The following TMEFF2 variants were observed in gnomAD, a reference collection of about 807,000 sequenced individuals.
TMEFF2 encodes transmembrane protein with EGF like and two follistatin like domains 2, also known as tomoregulin-2.
Under a neutral mutation model 53.8 loss-of-function variants are expected in TMEFF2, and 28 were observed. The observed-to-expected ratio is 0.52, with a 90% CI of 0.39 to 0.71. The LOEUF is 0.71. Among genes scored for constraint, TMEFF2 ranks in the 30% least tolerant of loss-of-function variants. The probability of loss-of-function intolerance (pLI) is 0.00; values close to 1 mark genes in which losing one functional copy is unlikely to be tolerated. For missense variants in TMEFF2, 353 were observed against 455.2 expected (o/e 0.78, Z 2.04); for synonymous variants, 162 against 166.3 (o/e 0.97, Z 0.20).
At chr2:192,181,921 T>C (rs4571007) in intron 3 of TMEFF2, among the ~76,000 whole-genome samples, 129,787 of 151,664 alleles carry the variant, frequency 0.86, 55,796 homozygotes, top group East Asian at 1. Context: ...TGATTTTCCT[T>C]TATTATATGA....
intron 7 of TMEFF2, among the ~76,000 whole-genome samples, chr2:191,970,315 C>A (rs1430794765): frequency 6.6e-6 from 1 of 151,568 alleles, no homozygotes; most frequent in East Asian, 1.9e-4. Context: ...CCATGTTTAC[C>A]CCAAATTCAC....
chr2:192,139,756 T>C (rs534026530), intron 4 of TMEFF2, among the ~76,000 whole-genome samples: 2 of 152,302 alleles, frequency 1.3e-5, no homozygotes, highest in African/African-American at 2.4e-5. Context: ...TCTATCATTA[T>C]ATAAATCACA....
chr2:192,110,739 C>T (rs1229406556), intron 4 of TMEFF2, among the ~76,000 whole-genome samples: 1 of 152,022 alleles, frequency 6.6e-6, no homozygotes, highest in Non-Finnish European at 1.5e-5. Context: ...TGTTATTTTG[C>T]ATTTACATAG....
At chr2:192,178,905 T>G (rs1402457428) in intron 4 of TMEFF2, 1 of 151,332 alleles carries the variant, frequency 6.6e-6, no homozygotes, top group African/African-American at 2.4e-5. Flanking sequence ...TGTTTTGCTT[T>G]GTGTGTATAA....
chr2:191,965,969 C>A (rs1692458158), intron 7 of TMEFF2, among the ~76,000 whole-genome samples: 1 of 146,000 alleles, frequency 6.8e-6, no homozygotes. Flanking sequence ...CTTTTAAAGG[C>A]TGGTAATATA....
intron 3 of TMEFF2, 59 bp downstream of exon 3, chr2:192,184,295 G>C (rs114559361): frequency 6.3e-7 from 1 of 1,589,084 alleles, no homozygotes; most frequent in Non-Finnish European, 8.6e-7. Flanking sequence ...AGAAATGAAA[G>C]ACATGGTTTT....
intron 4 of TMEFF2, chr2:192,177,923 C>T (rs1691090533): frequency 6.6e-6 from 1 of 150,612 alleles, no homozygotes; most frequent in South Asian, 2.1e-4. Context: ...AAACTAGAAA[C>T]TAGTATGTGA....
rs1231861927 is a variant in TMEFF2, at chr2:192,133,668, G to A, written c.439+46000C>T. On this transcript the variant is annotated intron_variant, in intron 4 of 9. Transcript: ENST00000272771. Reference sequence around the variant, plus strand: ...CGTTATTCTGTTCTGGATCTCAAACGTGCTTTCTTTACTACTCCTTTGCAC... The same window carrying A: ...CGTTATTCTGTTCTGGATCTCAAACATGCTTTCTTTACTACTCCTTTGCAC... 4.6e-5 allele frequency among the ~76,000 whole-genome samples: 7 copies of A among 152,042 alleles called. 1 individual carries two copies. The highest frequency in any genetic ancestry group is 4.6e-4 in the Admixed American group (7 of 15,258).
chr2:192,036,849 A>C (rs1687305719), intron 5 of TMEFF2: 1 of 152,056 alleles, frequency 6.6e-6, no homozygotes, highest in Non-Finnish European at 1.5e-5. Flanking sequence ...TCAGAGAGGT[A>C]CTCCTTAAAT....
chr2:191,972,968 T>G (rs1692691737), intron 7 of TMEFF2, among the ~76,000 whole-genome samples: 1 of 152,164 alleles, frequency 6.6e-6, no homozygotes, highest in Admixed American at 6.5e-5. Context: ...TACTAAATAA[T>G]AGTAAGATAA....
chr2:192,070,273 C>T (rs547033449), intron 4 of TMEFF2, among the ~76,000 whole-genome samples: 2 of 151,468 alleles, frequency 1.3e-5, no homozygotes, highest in South Asian at 4.2e-4. Context: ...TCAAAGGATC[C>T]GTCTGACCAT....
chr2:192,058,887 C>G (rs918439638), intron 4 of TMEFF2, among the ~76,000 whole-genome samples: 1 of 152,124 alleles, frequency 6.6e-6, no homozygotes, highest in African/African-American at 2.4e-5. Context: ...TTTTAAACAA[C>G]AAAGACAACT....
In TMEFF2 at chr2:192,014,807, G is replaced by T. The variant is rs561634075; in HGVS notation, c.537-15599C>A. ...ACTTTCTGTGGGTTCAAAAGTTTAG[G>T]TAGAACAAGAGGAAAAATGAGTATC... On this transcript the variant is annotated intron_variant, in intron 5 of 9. Transcript: ENST00000272771. 3.7e-4 allele frequency among the ~76,000 whole-genome samples: 57 copies of T among 152,280 alleles called. No individual in the cohort carries two copies. The East Asian group carries it at 0.011, about 29-fold the overall frequency.
At chr2:192,058,431 A>T (rs1687964323) in intron 4 of TMEFF2, among the ~76,000 whole-genome samples, 1 of 152,134 alleles carries the variant, frequency 6.6e-6, no homozygotes, top group Non-Finnish European at 1.5e-5. Flanking sequence ...ATTTTATTTT[A>T]AAAAAATACA....
intron 4 of TMEFF2, among the ~76,000 whole-genome samples, chr2:192,149,345 A>C (rs982310854): frequency 1.3e-5 from 2 of 151,984 alleles, no homozygotes; most frequent in Non-Finnish European, 2.9e-5. Context: ...GCCTCCAAAA[A>C]TATGTACGAG....
chr2:192,167,058 CT>C (rs894742069), intron 4 of TMEFF2, among the ~76,000 whole-genome samples: 3 of 152,080 alleles, frequency 2.0e-5, no homozygotes, highest in African/African-American at 7.2e-5. Flanking sequence ...AATGGATACT[CT>C]TTTCAGAATA....
intron 9 of TMEFF2, 142 bp downstream of exon 9, chr2:191,953,537 A>C (rs1471798965): frequency 1.2e-6 from 1 of 811,798 alleles, no homozygotes; most frequent in Non-Finnish European, 1.8e-6. Context: ...CTATTCAAAT[A>C]CTCTTATGCT....
intron 4 of TMEFF2, among the ~76,000 whole-genome samples, chr2:192,107,077 C>G (rs1381110245): frequency 6.6e-6 from 1 of 151,526 alleles, no homozygotes; most frequent in East Asian, 1.9e-4. Context: ...AAATATAAGG[C>G]TGAAAAGAGA....
At chr2:192,063,222 C>G (rs996901685) in intron 4 of TMEFF2, among the ~76,000 whole-genome samples, 1 of 151,768 alleles carries the variant, frequency 6.6e-6, no homozygotes, top group Admixed American at 6.6e-5. Flanking sequence ...TTGCATACCA[C>G]AAATATTGAT....
Sources: gnomAD v4.1 joint callset for allele counts (sites outside exome capture counted in the v4.1 genomes callset) on GRCh38, gnomAD v4.1.1 for gene constraint, MANE v1.5 for transcripts, NCBI Gene and HGNC (gene_info 2026-07-23, HGNC 2026-07-21) for gene names.